Variants in MGAT4C observed in about 807,000 individuals in gnomAD.
The protein encoded by MGAT4C is alpha-1,3-mannosyl-glycoprotein 4-beta-N-acetylglucosaminyltransferase C.
Under a neutral mutation model 40.1 loss-of-function variants are expected in MGAT4C, and 19 were observed. That is an observed-to-expected ratio of 0.47 (90% confidence interval 0.33 to 0.70). The LOEUF is 0.70. Among genes scored for constraint, MGAT4C ranks in the 30% least tolerant of loss-of-function variants. The pLI is 0.02. For synonymous variants in MGAT4C, 181 were observed against 187.1 expected, an observed-to-expected ratio of 0.97 and a Z score of 0.27; for missense variants, 491 against 563.2, an observed-to-expected ratio of 0.87 and a Z score of 1.30.
upstream of MGAT4C, among the ~76,000 whole-genome samples, chr12:86,257,384 C>A (rs1159462818): frequency 6.6e-6 from 1 of 152,184 alleles, no homozygotes; most frequent in Non-Finnish European, 1.5e-5. Flanking sequence ...GCAAGAATTA[C>A]CAGAGCTATT....
intron 3 of MGAT4C, among the ~76,000 whole-genome samples, chr12:86,357,129 G>C (rs1955333395): frequency 6.6e-6 from 1 of 152,184 alleles, no homozygotes; most frequent in Non-Finnish European, 1.5e-5. Context: ...AAAGCTTCCA[G>C]AGGAAGGAAC....
intron 1 of MGAT4C, among the ~76,000 whole-genome samples, chr12:86,737,488 C>T (rs565890409): frequency 6.6e-6 from 1 of 151,146 alleles, no homozygotes; most frequent in East Asian, 2.0e-4. Context: ...CCTCAAGATT[C>T]AATCTTTGAA....
At chr12:86,765,072 T>A (rs1215666780) in intron 1 of MGAT4C, among the ~76,000 whole-genome samples, 21 of 152,106 alleles carry the variant, frequency 1.4e-4, no homozygotes, top group Non-Finnish European at 2.8e-4. Context: ...TACTCTGAGC[T>A]ACAGGAAGAA....
intron 1 of MGAT4C, among the ~76,000 whole-genome samples, chr12:86,811,214 AATTAATAATTTCAT>A (rs1952465281): frequency 6.6e-6 from 1 of 151,322 alleles, no homozygotes; most frequent in Non-Finnish European, 1.5e-5. Flanking sequence ...GGAGCTTTTA[AATTAATAATTTCAT>A]TTTTAAATGA....
intron 3 of MGAT4C, 72 bp downstream of exon 3, chr12:85,989,328 C>A: frequency 1.5e-6 from 2 of 1,375,018 alleles, no homozygotes; most frequent in East Asian, 4.9e-5. Context: ...TGAAGTTAGG[C>A]TACAATGGGA....
intron 1 of MGAT4C, among the ~76,000 whole-genome samples, chr12:86,142,709 C>CTT (rs113640050): frequency 5.9e-4 from 83 of 140,206 alleles, no homozygotes; most frequent in East Asian, 1.7e-3. Flanking sequence ...GTGGTCCATT[C>CTT]TTTTTTTTTT....
intron 1 of MGAT4C, among the ~76,000 whole-genome samples, chr12:86,109,746 A>C (rs192043681): frequency 6.6e-6 from 1 of 152,134 alleles, no homozygotes; most frequent in Admixed American, 6.6e-5. Flanking sequence ...ATTTTTTTAA[A>C]AAAAGTGGTA....
At chr12:85,991,497 C>A (rs555371425) in intron 2 of MGAT4C, among the ~76,000 whole-genome samples, 43 of 152,304 alleles carry the variant, frequency 2.8e-4, no homozygotes, top group African/African-American at 9.9e-4. Context: ...CTGCCTCCCA[C>A]TACTGTCCAT....
At chr12:86,506,230 TC>T (rs1958470718) in intron 2 of MGAT4C, among the ~76,000 whole-genome samples, 1 of 152,158 alleles carries the variant, frequency 6.6e-6, no homozygotes, top group African/African-American at 2.4e-5. Context: ...GAACCACTCT[TC>T]CTGTCTATAG....
chr12:86,333,862 TTC>T (rs1954727353), intron 4 of MGAT4C, among the ~76,000 whole-genome samples: 1 of 152,192 alleles, frequency 6.6e-6, no homozygotes, highest in African/African-American at 2.4e-5. Context: ...CATTATCTTC[TTC>T]AGAGTTAAGT....
chr12:86,451,724 A>G (rs917835473), intron 2 of MGAT4C, among the ~76,000 whole-genome samples: 1 of 152,116 alleles, frequency 6.6e-6, no homozygotes, highest in Non-Finnish European at 1.5e-5. Flanking sequence ...GTCTTTGATT[A>G]ATTCATTCTT....
intron 1 of MGAT4C, among the ~76,000 whole-genome samples, chr12:86,154,862 G>A (rs563156552): frequency 6.6e-6 from 1 of 152,240 alleles, no homozygotes; most frequent in Non-Finnish European, 1.5e-5. Flanking sequence ...AGATACTGAG[G>A]AGACTGTGCC....
intron 2 of MGAT4C, among the ~76,000 whole-genome samples, chr12:86,593,265 A>AT (rs34747949): frequency 3.2e-4 from 49 of 150,994 alleles, no homozygotes; most frequent in African/African-American, 9.7e-4. Flanking sequence ...GAATTTAAGT[A>AT]TTTTTTTTTT....
At chr12:86,599,246 CTGGTTGATTAGA>C (rs1961665751) in intron 2 of MGAT4C, among the ~76,000 whole-genome samples, 1 of 152,072 alleles carries the variant, frequency 6.6e-6, no homozygotes, top group Non-Finnish European at 1.5e-5. Flanking sequence ...ACTGCACAAT[CTGGTTGATTAGA>C]TTAAAAAAGT....
At chr12:86,298,640 GA>G in intron 4 of MGAT4C, among the ~76,000 whole-genome samples, 1 of 152,170 alleles carries the variant, frequency 6.6e-6, no homozygotes, top group South Asian at 2.1e-4. Context: ...ATAAAGCTGT[GA>G]AAAATTGTTT....
intron 2 of MGAT4C, among the ~76,000 whole-genome samples, chr12:86,708,743 T>C (rs1435301152): frequency 6.6e-6 from 1 of 152,174 alleles, no homozygotes; most frequent in Non-Finnish European, 1.5e-5. Flanking sequence ...AGCCTAAAGA[T>C]CTGATAGCCC....
intron 3 of MGAT4C, among the ~76,000 whole-genome samples, chr12:86,350,541 C>T (rs1955135243): frequency 6.6e-6 from 1 of 152,116 alleles, no homozygotes; most frequent in African/African-American, 2.4e-5. Context: ...GATTCTGTTG[C>T]AACTATAGTC....
rs139423529 is a variant in MGAT4C, at chr12:86,004,620, C to T, written c.-6-15068G>A. On this transcript the variant is annotated intron_variant, in intron 2 of 4. Transcript: ENST00000611864. ...GCCAATGGGTTCATGAAATTTCTAA[C>T]CCAAGAGCAAGGAGAACAAGAATTA... 2.0e-5 allele frequency among the ~76,000 whole-genome samples: 3 copies of T among 152,100 alleles called. No individual in the cohort carries two copies. The East Asian group carries it at 5.8e-4, about 29-fold the overall frequency.
intron 2 of MGAT4C, among the ~76,000 whole-genome samples, chr12:86,664,506 A>G (rs1021119159): frequency 1.3e-5 from 2 of 152,202 alleles, no homozygotes; most frequent in African/African-American, 4.8e-5. Flanking sequence ...GTGAATATAT[A>G]CTATATCAAT....
Sources: allele counts gnomAD v4.1 joint callset (sites outside exome capture counted in the v4.1 genomes callset), GRCh38; gene constraint gnomAD v4.1.1; transcripts MANE v1.5; gene names NCBI Gene and HGNC (gene_info 2026-07-23, HGNC 2026-07-21).